Variants in MAPRE1 observed in about 807,000 individuals in gnomAD.
MAPRE1 encodes the protein microtubule associated protein RP/EB family member 1.
MAPRE1 carries 5 observed loss-of-function variants against 32.1 expected under a neutral mutation model. That is an observed-to-expected ratio of 0.16 (90% confidence interval 0.08 to 0.33). The LOEUF (loss-of-function observed/expected upper bound fraction) is 0.33, where lower values mean the gene tolerates loss of function less well. Among genes scored for constraint, MAPRE1 ranks in the 10% least tolerant of loss-of-function variants. The pLI is 1.00. For missense variants in MAPRE1, 209 were observed against 327.2 expected (o/e 0.64, Z 2.79); for synonymous variants, 122 against 118.9 (o/e 1.03, Z -0.17).
chr20:32,846,226 C>G (rs576146223), intron 5 of MAPRE1, among the ~76,000 whole-genome samples: 5 of 152,154 alleles, frequency 3.3e-5, no homozygotes, highest in African/African-American at 1.2e-4. Flanking sequence ...TTCCAGGGTC[C>G]TTTCTATTGA....
chr20:32,839,891 C>T (rs369137105), intron 5 of MAPRE1, 35 bp downstream of exon 5: 51 of 1,612,258 alleles, frequency 3.2e-5, no homozygotes, highest in African/African-American at 2.5e-4. Flanking sequence ...TGAGTCACCT[C>T]GGGGGATAGG....
upstream of MAPRE1, chr20:32,819,914 G>C (rs867734208): frequency 1.3e-5 from 2 of 151,912 alleles, no homozygotes; most frequent in African/African-American, 2.4e-5. Context: ...CGCGTAACGA[G>C]GGGGTGCGTG....
intron 2 of MAPRE1, among the ~76,000 whole-genome samples, chr20:32,826,705 T>A (rs1982862638): frequency 6.6e-6 from 1 of 151,442 alleles, no homozygotes; most frequent in Non-Finnish European, 1.5e-5. Flanking sequence ...TTTTTTGTAT[T>A]TTTAGTGGAG....
At chr20:32,829,453 C>G (rs1373172395) in intron 2 of MAPRE1, among the ~76,000 whole-genome samples, 2 of 152,174 alleles carry the variant, frequency 1.3e-5, no homozygotes, top group Non-Finnish European at 1.5e-5. Flanking sequence ...GGATGAGACA[C>G]AGACATTGTC....
chr20:32,840,819 T>G (rs1359449392), intron 5 of MAPRE1, among the ~76,000 whole-genome samples: 1 of 152,204 alleles, frequency 6.6e-6, no homozygotes, highest in Non-Finnish European at 1.5e-5. Context: ...TTTTTATTTT[T>G]TATTTTCTTT....
At chr20:32,826,832 TAA>T (rs776254917) in intron 2 of MAPRE1, among the ~76,000 whole-genome samples, 1 of 151,994 alleles carries the variant, frequency 6.6e-6, no homozygotes, top group Non-Finnish European at 1.5e-5. Flanking sequence ...TATACTTAAA[TAA>T]AGAGTGTGCT....
chr20:32,845,501 T>G (rs994827148), intron 5 of MAPRE1, among the ~76,000 whole-genome samples: 1 of 152,208 alleles, frequency 6.6e-6, no homozygotes, highest in Admixed American at 6.5e-5. Context: ...TGGTGTCACC[T>G]GATCCTCATC....
chr20:32,831,826 C>T (rs993438404), intron 2 of MAPRE1, among the ~76,000 whole-genome samples: 15 of 151,682 alleles, frequency 9.9e-5, no homozygotes, highest in Admixed American at 7.9e-4. Flanking sequence ...TGAGCCACCG[C>T]GCTTGGCCAA....
At chr20:32,820,336 G>C (rs1009283874) in intron 1 of MAPRE1, among the ~76,000 whole-genome samples, 1 of 152,116 alleles carries the variant, frequency 6.6e-6, no homozygotes, top group Non-Finnish European at 1.5e-5. Context: ...GTCCCAGGGT[G>C]GTTGGGCCCT....
chr20:32,839,886 C>G, intron 5 of MAPRE1, 30 bp downstream of exon 5: 1 of 1,613,186 alleles, frequency 6.2e-7, no homozygotes, highest in South Asian at 1.1e-5. Flanking sequence ...GCACGTGAGT[C>G]ACCTCGGGGG....
At chr20:32,843,726 C>G (rs962404364) in intron 5 of MAPRE1, among the ~76,000 whole-genome samples, 20 of 152,274 alleles carry the variant, frequency 1.3e-4, no homozygotes, top group African/African-American at 4.8e-4. Flanking sequence ...TATATAGACA[C>G]ATGTGGTTGA....
At chr20:32,821,997 A>C (rs1369941202) in intron 1 of MAPRE1, among the ~76,000 whole-genome samples, 1 of 152,064 alleles carries the variant, frequency 6.6e-6, no homozygotes, top group Non-Finnish European at 1.5e-5. Flanking sequence ...TGTCAGGAGG[A>C]GCCAATTAAT....
intron 2 of MAPRE1, among the ~76,000 whole-genome samples, chr20:32,826,588 G>T (rs1982859511): frequency 7.0e-6 from 1 of 141,894 alleles, no homozygotes; most frequent in Non-Finnish European, 1.5e-5. Context: ...GTGCAGTGGT[G>T]CAGTCTTGGC....
At chr20:32,827,403 C>T (rs867757691) in intron 2 of MAPRE1, among the ~76,000 whole-genome samples, 3 of 150,342 alleles carry the variant, frequency 2.0e-5, no homozygotes, top group South Asian at 2.1e-4. Context: ...AGCGAGACTC[C>T]GTCTCAAAAA....
chr20:32,822,781 G>T (rs777211787), intron 1 of MAPRE1, among the ~76,000 whole-genome samples: 26 of 152,064 alleles, frequency 1.7e-4, no homozygotes, highest in Admixed American at 1.7e-3. Flanking sequence ...TGTTTGCATC[G>T]AGTGGATTGC....
chr20:32,844,989 C>CTGTATGTATGTATGTATGTATGTATGTA (rs35343459), intron 5 of MAPRE1, among the ~76,000 whole-genome samples: 1 of 150,310 alleles, frequency 6.7e-6, no homozygotes, highest in Non-Finnish European at 1.5e-5. Context: ...AGTAGCTGTA[C>CTGTATGTATGTATGTATGTATGTATGTA]TGTATGTATG....
In MAPRE1 at chr20:32,837,306, T is replaced by C. The variant is rs550631508; in HGVS notation, c.475+465T>C. On this transcript the variant is annotated intron_variant, in intron 4 of 6. Coordinates refer to ENST00000375571, the MANE Select transcript of MAPRE1 (RefSeq NM_012325.3). ...GGACTGCTCTTGGCTGTCTGTGTTA[T>C]TCTCTCTGTAGACCAGCTTCCTGTG... is the stretch of plus-strand genomic sequence containing the variant. Among the ~76,000 whole-genome samples, 5 of 152,310 alleles carry C rather than the reference T, an allele frequency of 3.3e-5. No individual in the cohort carries two copies. The South Asian group carries it at 1.0e-3, about 32-fold the overall frequency.
intron 1 of MAPRE1, 42 bp from the exon 2 acceptor site, chr20:32,825,883 C>A (rs372497612): frequency 4.6e-6 from 7 of 1,521,866 alleles, no homozygotes; most frequent in Non-Finnish European, 6.3e-6. Flanking sequence ...ACTTGCATGC[C>A]TAATGTAACA....
chr20:32,844,085 C>G (rs933423627), intron 5 of MAPRE1, among the ~76,000 whole-genome samples: 4 of 152,148 alleles, frequency 2.6e-5, no homozygotes, highest in African/African-American at 9.7e-5. Flanking sequence ...AACTCCTGAC[C>G]TCAGGTGATC....
Sources: gnomAD v4.1 joint callset for allele counts (sites outside exome capture counted in the v4.1 genomes callset) on GRCh38, gnomAD v4.1.1 for gene constraint, MANE v1.5 for transcripts, NCBI Gene and HGNC (gene_info 2026-07-23, HGNC 2026-07-21) for gene names.